PRKN: variants seen among roughly 807,000 people sequenced by gnomAD.
PRKN encodes the protein parkin RBR E3 ubiquitin protein ligase, also known as E3 ubiquitin-protein ligase parkin.
PRKN carries 56 observed loss-of-function variants against 59.5 expected under a neutral mutation model. That is an observed-to-expected ratio of 0.94 (90% CI 0.76 to 1.18). The LOEUF is 1.18. Among genes scored for constraint, PRKN ranks in the 50% most tolerant of loss-of-function variants. The probability of loss-of-function intolerance (pLI) is 0.00; values close to 1 mark genes in which losing one functional copy is unlikely to be tolerated. For missense variants in PRKN, 657 were observed against 596.4 expected (o/e 1.10, Z -1.06); for synonymous variants, 250 against 222.1 (o/e 1.13, Z -1.12).
intron 4 of PRKN, among the ~76,000 whole-genome samples, chr6:162,192,104 T>A (rs1435797810): frequency 6.6e-6 from 1 of 152,132 alleles, no homozygotes; most frequent in African/African-American, 2.4e-5. Flanking sequence ...TAGGTTGAGT[T>A]TTCTCAAACC....
At chr6:162,054,034 A>G in intron 5 of PRKN, 57 bp downstream of exon 5, 2 of 1,100,972 alleles carry the variant, frequency 1.8e-6, no homozygotes, top group South Asian at 2.5e-5. Context: ...CCTGGCAAAC[A>G]GTGAAGATGT....
At chr6:161,804,988 G>C (rs1425588572) in intron 6 of PRKN, among the ~76,000 whole-genome samples, 2 of 152,140 alleles carry the variant, frequency 1.3e-5, no homozygotes, top group East Asian at 3.9e-4. Context: ...GTGACAGAGT[G>C]GTTTGGCATC....
chr6:161,614,963 C>CAGAG (rs71694349), intron 7 of PRKN, among the ~76,000 whole-genome samples: 364 of 147,322 alleles, frequency 2.5e-3, no homozygotes, highest in Admixed American at 6.0e-3. Context: ...GAGAGGAAGA[C>CAGAG]AGAGAGAGAG....
chr6:162,693,320 G>C (rs560171944), intron 1 of PRKN, among the ~76,000 whole-genome samples: 1 of 152,298 alleles, frequency 6.6e-6, no homozygotes, highest in East Asian at 1.9e-4. Flanking sequence ...ATCCTCAGTA[G>C]AGATGGGATC....
rs1467744489 is a variant in PRKN at position 161,463,408 on chromosome 6, G to C, written c.1084-76531C>G. Among the ~76,000 whole-genome samples, 1 of 152,212 alleles carries C rather than the reference G, an allele frequency of 6.6e-6. No individual in the cohort carries two copies. The highest frequency in any genetic ancestry group is 2.4e-5 in the African/African-American group (1 of 41,452). ...TCCAGAGGTCAACTGAGTCTAAGAA[G>C]ACATTAAAAATCCTGAAATTGGCCA... On this transcript the variant is annotated intron_variant, in intron 9 of 11. Transcript: ENST00000366898. This position sits in a 1 kb window ranked among gnomAD's most constrained non-coding sequence, Gnocchi z 4.8.
chr6:161,411,274 C>T (rs2115002722), intron 9 of PRKN, among the ~76,000 whole-genome samples: 1 of 152,224 alleles, frequency 6.6e-6, no homozygotes, highest in Non-Finnish European at 1.5e-5. Flanking sequence ...TGGCTTTCCC[C>T]ATACTGTCCT....
chr6:162,128,489 T>C (rs1014246936), intron 4 of PRKN, among the ~76,000 whole-genome samples: 1 of 152,086 alleles, frequency 6.6e-6, no homozygotes, highest in African/African-American at 2.4e-5. Flanking sequence ...AGGCCAAACG[T>C]AGACAGCATC....
chr6:162,400,997 G>C (rs531201550), intron 2 of PRKN, among the ~76,000 whole-genome samples: 5 of 152,046 alleles, frequency 3.3e-5, no homozygotes, highest in African/African-American at 1.2e-4. Flanking sequence ...ACAGAATATA[G>C]TAAAAACATT....
At chr6:161,788,519 C>A (rs956481581) in intron 6 of PRKN, among the ~76,000 whole-genome samples, 1 of 152,128 alleles carries the variant, frequency 6.6e-6, no homozygotes, top group African/African-American at 2.4e-5. Context: ...CAGGAAGAGT[C>A]CTACTGAAAA....
chr6:161,974,849 T>C (rs940675169), intron 5 of PRKN, among the ~76,000 whole-genome samples: 1 of 152,166 alleles, frequency 6.6e-6, no homozygotes, highest in Non-Finnish European at 1.5e-5. Context: ...TAAGTGCTTT[T>C]GGTTTTGTAG....
At position 161,697,722 on chromosome 6, in the gene PRKN, C is replaced by T. The variant is rs183960297; in HGVS notation, c.871+88050G>A. Among the ~76,000 whole-genome samples, 261 of 152,182 alleles carry T rather than the reference C, an allele frequency of 1.7e-3. 1 individual carries two copies. The highest frequency in any genetic ancestry group is 6.2e-3 in the African/African-American group (256 of 41,504). On this transcript the variant is annotated intron_variant, in intron 7 of 11. Coordinates refer to ENST00000366898, the MANE Select transcript of PRKN (RefSeq NM_004562.3). Reference sequence around the variant, plus strand: ...AAACACATTGTCATTGACCATTATCCAGGAAAACTCAATTCACCATGACCT... The same window carrying T: ...AAACACATTGTCATTGACCATTATCTAGGAAAACTCAATTCACCATGACCT...
chr6:162,479,980 G>A (rs149311685), intron 1 of PRKN, among the ~76,000 whole-genome samples: 27 of 151,814 alleles, frequency 1.8e-4, no homozygotes, highest in Admixed American at 5.9e-4. Flanking sequence ...CAGGACAATC[G>A]CTTAAACCCG....
chr6:161,518,695 G>T lies in PRKN; in HGVS notation c.1083+30159C>A, dbSNP rs559078197. Among the ~76,000 whole-genome samples the T allele has an allele frequency of 6.6e-6, 1 of 152,344 alleles. No individual in the cohort carries two copies. Among genetic ancestry groups the T allele is most frequent in the South Asian group, 2.1e-4 (1 of 4,826 alleles). On this transcript the variant is annotated intron_variant, in intron 9 of 11. Coordinates refer to ENST00000366898, the MANE Select transcript of PRKN (RefSeq NM_004562.3). The surrounding 1 kb of genome is among the most constrained non-coding windows in gnomAD (Gnocchi z 5.0). ...CACGGCTCCTGTCCAGGGGCCCATTGCAAGTTTCCACACATCCTCCTGCCT... is the reference window on the plus strand; with the variant it reads ...CACGGCTCCTGTCCAGGGGCCCATTTCAAGTTTCCACACATCCTCCTGCCT...
intron 7 of PRKN, among the ~76,000 whole-genome samples, chr6:161,604,065 G>T (rs1197551590): frequency 1.2e-4 from 19 of 152,198 alleles, no homozygotes; most frequent in Admixed American, 1.2e-3. Flanking sequence ...CCAGAACTGT[G>T]AGCAATAAAA....
rs1397641850 is a variant in PRKN at position 161,359,099 on chromosome 6, C to T, written c.1285+989G>A. Among the ~76,000 whole-genome samples, 1 of 152,134 alleles carries T rather than the reference C, an allele frequency of 6.6e-6. No homozygotes were observed. The highest frequency in any genetic ancestry group is 6.6e-5 in the Admixed American group (1 of 15,258). ...GTGAGCCACCGCGCCCGGCCGCCTT[C>T]TGCTCTTTATAGGTGCATGCCAATC... On this transcript the variant is annotated intron_variant, in intron 11 of 11. Transcript: ENST00000366898. The surrounding 1 kb of genome is among the most constrained non-coding windows in gnomAD (Gnocchi z 5.4).
intron 7 of PRKN, among the ~76,000 whole-genome samples, chr6:161,732,998 T>C (rs538111865): frequency 2.0e-5 from 3 of 152,138 alleles, no homozygotes; most frequent in South Asian, 2.1e-4. Context: ...TCAGTAAAGA[T>C]TGCCTTTCTA....
chr6:161,660,552 T>A (rs756139074), intron 7 of PRKN, among the ~76,000 whole-genome samples: 1 of 152,194 alleles, frequency 6.6e-6, no homozygotes, highest in African/African-American at 2.4e-5. Flanking sequence ...ATGATGAGCA[T>A]GGCCCATTCC....
chr6:161,971,085 C>A (rs117872900), intron 6 of PRKN, among the ~76,000 whole-genome samples: 16 of 152,238 alleles, frequency 1.1e-4, no homozygotes, highest in Non-Finnish European at 1.6e-4. Context: ...TATACACACA[C>A]CCTTAAGATG....
At chr6:162,520,815 A>G (rs1414840784) in intron 1 of PRKN, among the ~76,000 whole-genome samples, 1 of 151,890 alleles carries the variant, frequency 6.6e-6, no homozygotes, top group African/African-American at 2.4e-5. Context: ...AAAAAAGATT[A>G]AGAGTGTCAG....
Sources: gnomAD v4.1 joint callset for allele counts (sites outside exome capture counted in the v4.1 genomes callset) on GRCh38, gnomAD v4.1.1 for gene constraint, Gnocchi (gnomAD v3.1) non-coding constraint, MANE v1.5 for transcripts, NCBI Gene and HGNC (gene_info 2026-07-23, HGNC 2026-07-21) for gene names.